The following PHF21B variants were observed in gnomAD, a reference collection of about 807,000 sequenced individuals.
PHF21B encodes PHD finger protein 4.
Under a neutral mutation model 62.2 loss-of-function variants are expected in PHF21B, and 22 were observed. That is an observed-to-expected ratio of 0.35 (90% CI 0.25 to 0.51). The LOEUF (loss-of-function observed/expected upper bound fraction) is 0.51, where lower values mean the gene tolerates loss of function less well. PHF21B is among the 20% of genes least tolerant of loss of function. The pLI, the probability that PHF21B is intolerant of heterozygous loss-of-function variation, is 0.97. For missense variants in PHF21B, 701 were observed against 707.9 expected (o/e 0.99, Z 0.11); for synonymous variants, 341 against 314.7 (o/e 1.08, Z -0.88).
At chr22:44,904,996 CTCTTTA>C (rs1265444461) in intron 5 of PHF21B, among the ~76,000 whole-genome samples, 1 of 152,130 alleles carries the variant, frequency 6.6e-6, no homozygotes, top group Non-Finnish European at 1.5e-5. Flanking sequence ...TATGATTTTT[CTCTTTA>C]TCTTTGACAT....
chr22:44,939,859 G>A (rs1262704111), intron 2 of PHF21B, among the ~76,000 whole-genome samples: 1 of 152,188 alleles, frequency 6.6e-6, no homozygotes, highest in African/African-American at 2.4e-5. Flanking sequence ...ACGGAGGCAG[G>A]GAGACCAGGA....
intron 2 of PHF21B, among the ~76,000 whole-genome samples, chr22:44,999,712 A>G (rs2073180164): frequency 6.6e-6 from 1 of 152,030 alleles, no homozygotes; most frequent in African/African-American, 2.4e-5. Flanking sequence ...TGTTGGAGTT[A>G]AGGTCACGAA....
chr22:44,980,645 A>G (rs910503), intron 2 of PHF21B, among the ~76,000 whole-genome samples: 150,697 of 152,324 alleles, frequency 0.99, 74,562 homozygotes, highest in Non-Finnish European at 1. Context: ...TTCCAAATCC[A>G]TACAAGTCAA....
At chr22:44,992,634 A>G (rs1173910119) in intron 2 of PHF21B, among the ~76,000 whole-genome samples, 2 of 152,234 alleles carry the variant, frequency 1.3e-5, no homozygotes, top group Non-Finnish European at 2.9e-5. Context: ...ACTCAGCCTG[A>G]GGCCGGCTCT....
intron 2 of PHF21B, among the ~76,000 whole-genome samples, chr22:44,929,666 C>T (rs749497726): frequency 2.8e-4 from 42 of 152,246 alleles, no homozygotes; most frequent in Non-Finnish European, 5.9e-4. Flanking sequence ...GTTACAAGGA[C>T]CAGAGGGGAG....
chr22:44,951,749 C>CT (rs954233823), intron 2 of PHF21B, among the ~76,000 whole-genome samples: 2 of 151,966 alleles, frequency 1.3e-5, no homozygotes, highest in African/African-American at 4.8e-5. Context: ...TGCTGAACAC[C>CT]TTTTTTTTGG....
chr22:44,904,220 A>T (rs2071210196), intron 5 of PHF21B, among the ~76,000 whole-genome samples: 1 of 152,194 alleles, frequency 6.6e-6, no homozygotes, highest in Non-Finnish European at 1.5e-5. Flanking sequence ...CTCCCTCTAA[A>T]ACATCACCTC....
chr22:44,939,502 G>C (rs150815174), intron 2 of PHF21B, among the ~76,000 whole-genome samples: 4 of 152,234 alleles, frequency 2.6e-5, no homozygotes, highest in South Asian at 2.1e-4. Flanking sequence ...CTTCCCAGGT[G>C]GGGGCGGCAG....
chr22:44,921,486 C>T (rs2071536361), intron 2 of PHF21B, among the ~76,000 whole-genome samples: 1 of 152,130 alleles, frequency 6.6e-6, no homozygotes, highest in Middle Eastern at 3.4e-3. Flanking sequence ...CCTGCCTCAG[C>T]CTCCCGAGTA....
chr22:44,913,869 T>C lies in PHF21B; in HGVS notation c.784A>G (p.Thr262Ala). The change falls in exon 5 of 13, where the codon ACC becomes GCC. Residue 262 changes from threonine (T) to alanine (A), a missense_variant. By Grantham distance (58) the Thr-to-Ala change is moderately conservative. Coordinates refer to ENST00000313237, the MANE Select transcript of PHF21B (RefSeq NM_138415.5). ...GGCCGGTCTTCCTTCTTCTTTTTGG[T>C]GGCCTGAGCTCCCTGAGATGGCTCC... ...TEEPSQGAQATKKKKEDRPPT... is the reference protein window; with the variant it reads ...TEEPSQGAQAAKKKKEDRPPT... 6.2e-7 allele frequency: 1 copy of C among 1,613,926 alleles called. No individual in the cohort carries two copies. Among genetic ancestry groups the C allele is most frequent in the East Asian group, 2.2e-5 (1 of 44,844 alleles).
chr22:45,008,339 G>T, intron 2 of PHF21B: 1 of 432,172 alleles, frequency 2.3e-6, no homozygotes. Flanking sequence ...TTCGGCCCCC[G>T]CAGGGCCCGG....
intron 5 of PHF21B, among the ~76,000 whole-genome samples, chr22:44,905,827 A>G (rs530098538): frequency 5.3e-5 from 8 of 152,176 alleles, no homozygotes; most frequent in Non-Finnish European, 7.4e-5. Flanking sequence ...ACAGGGTTTC[A>G]CCGTGTTAGC....
intron 3 of PHF21B, among the ~76,000 whole-genome samples, chr22:44,918,210 G>A (rs914579863): frequency 1.3e-5 from 2 of 152,276 alleles, no homozygotes; most frequent in African/African-American, 4.8e-5. Context: ...GGACTGGCGT[G>A]GGGGCGGATG....
chr22:44,893,454 C>T lies in PHF21B; in HGVS notation c.960+3G>A, dbSNP rs370627140. The T allele has an allele frequency of 1.5e-5, 24 of 1,593,038 alleles. No individual in the cohort carries two copies. The highest frequency in any genetic ancestry group is 1.9e-5 in the Non-Finnish European group (22 of 1,170,354). On this transcript the variant is annotated splice_donor_region_variant and intron_variant, in intron 7 of 12. Transcript: ENST00000313237. Reference sequence around the variant, plus strand: ...GGTGGCATGGGGCTGGCGGGTTCCCCACCTCGGTCTCCAGGAGGCCGCTGT... The same window carrying T: ...GGTGGCATGGGGCTGGCGGGTTCCCTACCTCGGTCTCCAGGAGGCCGCTGT...
At chr22:44,956,741 C>T (rs1040141948) in intron 2 of PHF21B, among the ~76,000 whole-genome samples, 1 of 152,142 alleles carries the variant, frequency 6.6e-6, no homozygotes, top group Non-Finnish European at 1.5e-5. Context: ...GCTGGGCCCA[C>T]CCAAGGCAGT....
intron 2 of PHF21B, among the ~76,000 whole-genome samples, chr22:44,950,514 A>G (rs2072171661): frequency 6.6e-6 from 1 of 152,118 alleles, no homozygotes; most frequent in South Asian, 2.1e-4. Flanking sequence ...TGACGCTCTC[A>G]GTGCAGACAC....
At chr22:44,903,444 T>C (rs567950418) in intron 5 of PHF21B, among the ~76,000 whole-genome samples, 46 of 151,772 alleles carry the variant, frequency 3.0e-4, no homozygotes, top group South Asian at 1.3e-3. Flanking sequence ...CTGCCGATGC[T>C]CTGCTCATGT....
At chr22:44,886,035 G>A in intron 10 of PHF21B, 97 bp from the exon 11 acceptor site, 5 of 1,154,598 alleles carry the variant, frequency 4.3e-6, no homozygotes, top group Non-Finnish European at 6.3e-6. Flanking sequence ...GGCACGCCCT[G>A]TCTGAGCCAC....
At chr22:44,884,142 A>ACCACCATGATCACCATTATCACCACCG (rs1555928926) in intron 12 of PHF21B, among the ~76,000 whole-genome samples, 4 of 148,172 alleles carry the variant, frequency 2.7e-5, no homozygotes, top group African/African-American at 1.0e-4. Flanking sequence ...CATTATCACC[A>ACCACCATGATCACCATTATCACCACCG]CCACCACCAT....
Sources: allele counts gnomAD v4.1 joint callset (sites outside exome capture counted in the v4.1 genomes callset), GRCh38; gene constraint gnomAD v4.1.1; transcripts MANE v1.5; gene names NCBI Gene and HGNC (gene_info 2026-07-23, HGNC 2026-07-21).